Variants in ADORA2B observed in about 807,000 individuals in gnomAD.
ADORA2B encodes the protein adenosine A2b receptor.
Under a neutral mutation model 20.8 loss-of-function variants are expected in ADORA2B, and 18 were observed. The observed-to-expected ratio is 0.87, with a 90% CI of 0.60 to 1.29. The LOEUF is 1.29. ADORA2B is among the 50% of genes most tolerant of loss of function. ADORA2B has a pLI of 0.00. For synonymous variants in ADORA2B, 179 were observed against 178.3 expected, an observed-to-expected ratio of 1.00 and a Z score of -0.03; for missense variants, 441 against 422.7, an observed-to-expected ratio of 1.04 and a Z score of -0.38.
At chr17:15,906,527 G>A in the ADORA2B span, among the ~76,000 whole-genome samples, 2 of 152,130 alleles carry the variant, frequency 1.3e-5, no homozygotes, top group African/African-American at 4.8e-5. Context: ...AAGGGTTTTT[G>A]TGTCTGTATT....
chr17:15,959,847 C>A (rs1341724650), intron 1 of ADORA2B, among the ~76,000 whole-genome samples: 1 of 152,142 alleles, frequency 6.6e-6, no homozygotes, highest in African/African-American at 2.4e-5. Context: ...TCAGATGTTC[C>A]CAGTTATCCC....
chr17:15,883,929 TTTACCATGTGAACGACA>T, the ADORA2B span, among the ~76,000 whole-genome samples: 1 of 152,214 alleles, frequency 6.6e-6, no homozygotes, highest in Non-Finnish European at 1.5e-5. Flanking sequence ...TGATGAAATA[TTTACCATGTGAACGACA>T]TTGTCTAAGT....
intron 1 of ADORA2B, among the ~76,000 whole-genome samples, chr17:15,972,189 T>C (rs1194977082): frequency 1.3e-5 from 2 of 152,126 alleles, no homozygotes; most frequent in Admixed American, 6.5e-5. Flanking sequence ...ATGTTGAGAA[T>C]AGCATGAGCC....
chr17:15,958,143 C>A (rs1442846948), intron 1 of ADORA2B, among the ~76,000 whole-genome samples: 1 of 152,044 alleles, frequency 6.6e-6, no homozygotes, highest in African/African-American at 2.4e-5. Flanking sequence ...CTCAGCCTCG[C>A]GAGTAGCTGG....
chr17:15,873,042 CATATATCCACATAT>C, the ADORA2B span, among the ~76,000 whole-genome samples: 9 of 152,116 alleles, frequency 5.9e-5, no homozygotes, highest in Non-Finnish European at 1.0e-4. Flanking sequence ...GTGGGTTTGT[CATATATCCACATAT>C]ATATTATTTT....
chr17:15,928,051 G>A, the ADORA2B span, among the ~76,000 whole-genome samples: 102,336 of 151,896 alleles, frequency 0.67, 37,098 homozygotes, highest in East Asian at 0.82. Flanking sequence ...CTCGTGATCC[G>A]CCCGCCTCAG....
chr17:15,860,523 A>G, the ADORA2B span, among the ~76,000 whole-genome samples: 1 of 151,990 alleles, frequency 6.6e-6, no homozygotes, highest in Non-Finnish European at 1.5e-5. Flanking sequence ...GGGGCAGGTA[A>G]TGTCTTTCCC....
the ADORA2B span, among the ~76,000 whole-genome samples, chr17:15,884,096 G>C: frequency 6.6e-6 from 1 of 152,204 alleles, no homozygotes; most frequent in South Asian, 2.1e-4. Flanking sequence ...AACTCCTGCT[G>C]TTGGGCCCAG....
chr17:15,936,452 G>A, the ADORA2B span, among the ~76,000 whole-genome samples: 3 of 151,994 alleles, frequency 2.0e-5, no homozygotes, highest in African/African-American at 7.3e-5. Context: ...CCAAGTAGCT[G>A]GGATTATAGG....
At position 15,965,800 on chromosome 17, in the gene ADORA2B, G is replaced by A. The variant is rs546331518; in HGVS notation, c.336-8879G>A. Among the ~76,000 whole-genome samples the A allele has an allele frequency of 5.3e-5, 8 of 152,372 alleles. No individual in the cohort carries two copies. In the South Asian group the frequency reaches 1.0e-3, roughly 20 times the overall value. ...TGGGGTCTTGGCCGTGGCAGGCTAC[G>A]CTGCCTCCAGGCCCATCTTAGTAAC... On this transcript the variant is annotated intron_variant, in intron 1 of 1. Transcript: ENST00000304222.
At chr17:15,935,716 A>G in the ADORA2B span, among the ~76,000 whole-genome samples, 7 of 151,866 alleles carry the variant, frequency 4.6e-5, no homozygotes, top group Non-Finnish European at 8.8e-5. Context: ...AGGTCTCTGA[A>G]ACTGTTGATT....
the ADORA2B span, among the ~76,000 whole-genome samples, chr17:15,863,663 C>G: frequency 3.3e-5 from 5 of 152,148 alleles, no homozygotes; most frequent in African/African-American, 1.2e-4. Flanking sequence ...CCGTCTCTAC[C>G]TTTTAAATGT....
chr17:15,933,352 A>G, the ADORA2B span, among the ~76,000 whole-genome samples: 1 of 152,180 alleles, frequency 6.6e-6, no homozygotes, highest in Non-Finnish European at 1.5e-5. Flanking sequence ...AAATTTTGAG[A>G]GATTGCATTG....
chr17:15,860,781 G>A, the ADORA2B span: 1 of 162,534 alleles, frequency 6.2e-6, no homozygotes, highest in African/African-American at 2.4e-5. Flanking sequence ...GCAATCAAGA[G>A]CCTCTTCTTC....
At chr17:15,887,658 A>G in the ADORA2B span, among the ~76,000 whole-genome samples, 1 of 128,276 alleles carries the variant, frequency 7.8e-6, no homozygotes, top group East Asian at 2.1e-4. Context: ...TTTAAATTTT[A>G]AAAGATAGGC....
chr17:15,948,404 G>GGGGGGGGTGGGGGC lies in ADORA2B; in HGVS notation c.335+2824_335+2825insGGGGTGGGGGCGGG, dbSNP rs924189170. On this transcript the variant is annotated intron_variant, in intron 1 of 1. Coordinates refer to ENST00000304222, the MANE Select transcript of ADORA2B (RefSeq NM_000676.4). ...TCCTGATGTTGGGCCCTGGCGGCGG[G>GGGGGGGGTGGGGGC]GGGCTCCAGTCCCCAGTGGTGCCGA... Among the ~76,000 whole-genome samples, 6 of 21,894 alleles carry GGGGGGGGTGGGGGC rather than the reference G, an allele frequency of 2.7e-4. 3 individuals carry two copies. Among genetic ancestry groups the GGGGGGGGTGGGGGC allele is most frequent in the Non-Finnish European group, 2.5e-3 (6 of 2,422 alleles). 14.4% of individuals were successfully genotyped at this position (21,894 alleles called of 152,430 possible). A position where few individuals can be genotyped will look rare whatever the true frequency, so the allele number is the denominator to read the frequency against.
the ADORA2B span, among the ~76,000 whole-genome samples, chr17:15,890,653 A>G: frequency 6.6e-6 from 1 of 152,124 alleles, no homozygotes; most frequent in Non-Finnish European, 1.5e-5. Context: ...AATCCCTGAG[A>G]GAAGGGAAAC....
chr17:15,863,436 C>T, the ADORA2B span, among the ~76,000 whole-genome samples: 1 of 151,908 alleles, frequency 6.6e-6, no homozygotes, highest in Non-Finnish European at 1.5e-5. Flanking sequence ...TCCTTGAACT[C>T]CTGGCCTCAA....
the ADORA2B span, among the ~76,000 whole-genome samples, chr17:15,881,814 A>T: frequency 8.1e-3 from 1,228 of 152,170 alleles, 14 homozygotes; most frequent in African/African-American, 0.028. Context: ...ACCCCATCCT[A>T]GTTCAGGAGT....
Sources: gnomAD v4.1 joint callset for allele counts (sites outside exome capture counted in the v4.1 genomes callset) on GRCh38, gnomAD v4.1.1 for gene constraint, MANE v1.5 for transcripts, NCBI Gene and HGNC (gene_info 2026-07-23, HGNC 2026-07-21) for gene names.